Variants in TMTC2 observed in about 807,000 individuals in gnomAD.
TMTC2 encodes the protein protein O-mannosyl-transferase TMTC2.
TMTC2 carries 43 observed loss-of-function variants against 82.4 expected under a neutral mutation model. The observed-to-expected ratio is 0.52, with a 90% CI of 0.41 to 0.67. The LOEUF is 0.67. Among genes scored for constraint, TMTC2 ranks in the 30% least tolerant of loss-of-function variants. TMTC2 has a pLI of 0.00. For missense variants in TMTC2, 919 were observed against 1,012.4 expected (o/e 0.91, Z 1.25); for synonymous variants, 408 against 381.9 (o/e 1.07, Z -0.80).
At chr12:82,968,566 C>T (rs1410197912) in intron 7 of TMTC2, among the ~76,000 whole-genome samples, 1 of 152,066 alleles carries the variant, frequency 6.6e-6, no homozygotes, top group Non-Finnish European at 1.5e-5. Context: ...TCAAATAAGA[C>T]ATTTTTCTTC....
intron 1 of TMTC2, among the ~76,000 whole-genome samples, chr12:82,694,270 A>T (rs1872697373): frequency 6.6e-6 from 1 of 150,586 alleles, no homozygotes; most frequent in African/African-American, 2.4e-5. Flanking sequence ...TAAAGATGAG[A>T]TAGAGAGGTT....
rs769959053 is a variant in TMTC2 at position 83,061,776 on chromosome 12, G to A, written c.2276G>A (p.Ser759Asn). 2 of 1,596,294 alleles carry A rather than the reference G, an allele frequency of 1.3e-6. No individual in the cohort carries two copies. Among genetic ancestry groups the A allele is most frequent in the Non-Finnish European group, 1.7e-6 (2 of 1,172,148 alleles). Residue 759 changes from serine (S) to asparagine (N), a missense_variant, in exon 11 of 12, where the codon AGC (serine) becomes AAC (asparagine). Coordinates refer to ENST00000321196, the MANE Select transcript of TMTC2 (RefSeq NM_152588.3). ...TATTTTTTCTTTTACAGACAGGCTAGCCTCAATGAAGCAGCTGAGAAGTAT... is the reference window on the plus strand; with the variant it reads ...TATTTTTTCTTTTACAGACAGGCTAACCTCAATGAAGCAGCTGAGAAGTAT... ...FNAAHMLRQA[S>N]LNEAAEKYYD...
chr12:83,013,862 A>G (rs1414122858), intron 8 of TMTC2, among the ~76,000 whole-genome samples: 1 of 152,134 alleles, frequency 6.6e-6, no homozygotes, highest in East Asian at 1.9e-4. Flanking sequence ...GAGACAGTGG[A>G]CCTTTTGGAA....
At chr12:82,867,503 G>A (rs1871928913) in intron 2 of TMTC2, among the ~76,000 whole-genome samples, 1 of 152,142 alleles carries the variant, frequency 6.6e-6, no homozygotes, top group Non-Finnish European at 1.5e-5. Flanking sequence ...ACTTAAGGGA[G>A]CACATGGAAA....
intron 1 of TMTC2, among the ~76,000 whole-genome samples, chr12:82,825,435 A>G (rs1869358880): frequency 6.6e-6 from 1 of 152,162 alleles, no homozygotes; most frequent in Admixed American, 6.5e-5. Flanking sequence ...GGGCCAAGAG[A>G]CACAGGGGAA....
chr12:82,808,816 C>A (rs1293460134), intron 1 of TMTC2, among the ~76,000 whole-genome samples: 4 of 151,876 alleles, frequency 2.6e-5, no homozygotes, highest in Non-Finnish European at 5.9e-5. Context: ...TTTTTCTATT[C>A]TAACATTTTA....
chr12:82,802,410 G>T (rs1344849643), intron 1 of TMTC2, among the ~76,000 whole-genome samples: 1 of 152,152 alleles, frequency 6.6e-6, no homozygotes, highest in East Asian at 1.9e-4. Flanking sequence ...GCAGTGGTGG[G>T]CTGAAGGGCT....
chr12:83,026,373 T>A (rs185931941), intron 8 of TMTC2, among the ~76,000 whole-genome samples: 2 of 152,196 alleles, frequency 1.3e-5, no homozygotes, highest in African/African-American at 4.8e-5. Context: ...TTATTATAAA[T>A]TGAAATATTA....
At position 82,745,488 on chromosome 12, in the gene TMTC2, G is replaced by A. The variant is rs115261900; in HGVS notation, c.83+57819G>A. Reference sequence around the variant, plus strand: ...GTTTTGTTATCCATGGGAGCCTGTTGTAAATGCCACAGTGTTGTGATGTAT... The same window carrying A: ...GTTTTGTTATCCATGGGAGCCTGTTATAAATGCCACAGTGTTGTGATGTAT... On this transcript the variant is annotated intron_variant, in intron 1 of 11. Transcript: ENST00000321196. Among the ~76,000 whole-genome samples, 210 of 152,322 alleles carry A rather than the reference G, an allele frequency of 1.4e-3. 1 individual carries two copies. Among genetic ancestry groups the A allele is most frequent in the African/African-American group, 4.9e-3 (204 of 41,580 alleles).
At chr12:82,698,558 A>G (rs1872924263) in intron 1 of TMTC2, among the ~76,000 whole-genome samples, 1 of 152,184 alleles carries the variant, frequency 6.6e-6, no homozygotes, top group South Asian at 2.1e-4. Context: ...TTATCCTTGG[A>G]AGATTTATTC....
At position 82,860,556 on chromosome 12, in the gene TMTC2, A is replaced by G. The variant is rs73360204; in HGVS notation, c.654+2976A>G. Among the ~76,000 whole-genome samples, 254 of 152,372 alleles carry G rather than the reference A, an allele frequency of 1.7e-3. 1 individual carries two copies. Among genetic ancestry groups the G allele is most frequent in the African/African-American group, 5.9e-3 (247 of 41,586 alleles). On this transcript the variant is annotated intron_variant, in intron 2 of 11. Coordinates refer to ENST00000321196, the MANE Select transcript of TMTC2 (RefSeq NM_152588.3). ...CCATGATCTGTTTCTTCATCTGGAA[A>G]TGAAGGCAGCTATAGTTCTCTCCCA...
At chr12:83,033,950 T>G (rs1016165605) in intron 9 of TMTC2, among the ~76,000 whole-genome samples, 2 of 150,502 alleles carry the variant, frequency 1.3e-5, no homozygotes, top group African/African-American at 4.9e-5. Flanking sequence ...TTTTTGGGGG[T>G]TTGCTTTTTT....
At chr12:82,835,366 T>C (rs1464121059) in intron 1 of TMTC2, among the ~76,000 whole-genome samples, 1 of 152,226 alleles carries the variant, frequency 6.6e-6, no homozygotes, top group African/African-American at 2.4e-5. Flanking sequence ...CTTGGTGACA[T>C]CTCACTGACT....
At chr12:83,112,569 C>T (rs1430897096) in intron 11 of TMTC2, among the ~76,000 whole-genome samples, 1 of 152,086 alleles carries the variant, frequency 6.6e-6, no homozygotes, top group Non-Finnish European at 1.5e-5. Context: ...ATGCAATGGA[C>T]ATTAAACATT....
intron 3 of TMTC2, among the ~76,000 whole-genome samples, chr12:82,917,864 G>A (rs183084517): frequency 2.5e-4 from 38 of 151,134 alleles, no homozygotes; most frequent in Middle Eastern, 6.9e-3. Context: ...GGCCTCCCAA[G>A]TGCTGGGATT....
At chr12:83,040,022 T>C (rs1565865009) in intron 9 of TMTC2, among the ~76,000 whole-genome samples, 2 of 152,368 alleles carry the variant, frequency 1.3e-5, no homozygotes, top group East Asian at 3.9e-4. Flanking sequence ...CTGTTATGAC[T>C]GAAGCTCAGT....
chr12:82,769,451 G>C (rs1309812858), intron 1 of TMTC2, among the ~76,000 whole-genome samples: 1 of 151,674 alleles, frequency 6.6e-6, no homozygotes, highest in African/African-American at 2.4e-5. Context: ...ACTCCAGCTT[G>C]GGTGACAGAG....
rs118105430 is a variant in TMTC2, at chr12:83,027,173, G to A, written c.2071-3625G>A. Among the ~76,000 whole-genome samples the A allele has an allele frequency of 6.3e-3, 957 of 152,144 alleles. 4 individuals are homozygous for A. The highest frequency in any genetic ancestry group is 7.4e-3 in the Non-Finnish European group (504 of 67,998). On this transcript the variant is annotated intron_variant, in intron 8 of 11. Coordinates refer to ENST00000321196, the MANE Select transcript of TMTC2 (RefSeq NM_152588.3). Reference sequence around the variant, plus strand: ...ATGAGGAATAATGCTTGTTTGTGCCGAATGCTGACATAACATAAAAGACAC... The same window carrying A: ...ATGAGGAATAATGCTTGTTTGTGCCAAATGCTGACATAACATAAAAGACAC...
chr12:83,070,966 A>G (rs1423365017), intron 11 of TMTC2, among the ~76,000 whole-genome samples: 1 of 151,984 alleles, frequency 6.6e-6, no homozygotes, highest in Non-Finnish European at 1.5e-5. Flanking sequence ...TTTTGTTTTC[A>G]ATTCTGTTTA....
Sources: gnomAD v4.1 joint callset for allele counts (sites outside exome capture counted in the v4.1 genomes callset) on GRCh38, gnomAD v4.1.1 for gene constraint, MANE v1.5 for transcripts, NCBI Gene and HGNC (gene_info 2026-07-23, HGNC 2026-07-21) for gene names.